MLXIP: variants seen among roughly 807,000 people sequenced by gnomAD.
MLXIP encodes MLX interacting protein, also known as MLX-interacting protein.
In MLXIP, 30 loss-of-function variants were observed where a neutral mutation model predicts 87.2. The observed-to-expected ratio is 0.34, with a 90% CI of 0.26 to 0.47. The LOEUF (loss-of-function observed/expected upper bound fraction) is 0.47, where lower values mean the gene tolerates loss of function less well. Ranked by LOEUF, MLXIP falls within the 20% of genes least tolerant of loss-of-function variation. The pLI, the probability that MLXIP is intolerant of heterozygous loss-of-function variation, is 1.00. For missense variants in MLXIP, 1,002 were observed against 1,240.1 expected, an observed-to-expected ratio of 0.81 and a Z score of 2.88; for synonymous variants, 530 against 514.0, an observed-to-expected ratio of 1.03 and a Z score of -0.42.
Position 122,133,896 on chromosome 12 carries a change from T to C in MLXIP, c.1641T>C (p.Thr547=). The C allele has an allele frequency of 1.2e-6, 2 of 1,610,642 alleles. No individual in the cohort carries two copies. Among genetic ancestry groups the C allele is most frequent in the Non-Finnish European group, 8.5e-7 (1 of 1,178,692 alleles). The part of the protein sequence containing the change: ...TFVHPKPVSL[T]GGRPKQPHKI... ...TGCACCCCAAACCTGTATCCTTGAC[T>C]GGGGGCAGGCCTAAGCAGCCCCACA... Residue 547 remains threonine (T), a synonymous_variant, in exon 9 of 17, where the codon ACT becomes ACC. Coordinates refer to ENST00000319080, the MANE Select transcript of MLXIP (RefSeq NM_014938.6). The surrounding 1 kb of genome is among the most constrained non-coding windows in gnomAD (Gnocchi z 4.9).
intron 1 of MLXIP, among the ~76,000 whole-genome samples, chr12:122,079,780 A>T (rs1045622587): frequency 6.6e-6 from 1 of 152,146 alleles, no homozygotes; most frequent in Non-Finnish European, 1.5e-5. Flanking sequence ...ATGGAGTGAG[A>T]TAGGTAAATT....
intron 1 of MLXIP, among the ~76,000 whole-genome samples, chr12:122,081,033 T>G (rs1167865550): frequency 6.6e-6 from 1 of 152,012 alleles, no homozygotes; most frequent in Non-Finnish European, 1.5e-5. Flanking sequence ...TGCACTCTTG[T>G]TTGGATAACC....
chr12:122,085,015 T>C (rs146154021), intron 1 of MLXIP, among the ~76,000 whole-genome samples: 72,482 of 151,958 alleles, frequency 0.48, 17,476 homozygotes, highest in Middle Eastern at 0.63. Context: ...AAAAGTGTCT[T>C]GAGGAGAAAA....
chr12:122,119,816 T>G (rs1481065835), intron 1 of MLXIP, among the ~76,000 whole-genome samples: 1 of 152,250 alleles, frequency 6.6e-6, no homozygotes, highest in Non-Finnish European at 1.5e-5. Context: ...GAGGTGGATC[T>G]GTCGAATCAC....
Position 122,133,219 on chromosome 12 carries a change from C to T in MLXIP, c.1093-129C>T, listed in dbSNP as rs886447155. The T allele has an allele frequency of 4.0e-5, 40 of 1,000,748 alleles. No homozygotes were observed. Among genetic ancestry groups the T allele is most frequent in the Middle Eastern group, 2.8e-4 (1 of 3,596 alleles). 62.0% of individuals were successfully genotyped at this position (1,000,748 alleles called of 1,614,324 possible). A position where few individuals can be genotyped will look rare whatever the true frequency, so the allele number is the denominator to read the frequency against. Reference sequence around the variant, plus strand: ...TCCCTATCAGATCAGCAGCCATGGACGTGGAGACGTGGCCTTTGTCCCTCT... The same window carrying T: ...TCCCTATCAGATCAGCAGCCATGGATGTGGAGACGTGGCCTTTGTCCCTCT... On this transcript the variant is annotated intron_variant, in intron 8 of 16. Transcript: ENST00000319080. This position sits in a 1 kb window ranked among gnomAD's most constrained non-coding sequence, Gnocchi z 4.9.
chr12:122,101,584 CT>C (rs371090324), intron 1 of MLXIP, among the ~76,000 whole-genome samples: 5 of 118,992 alleles, frequency 4.2e-5, no homozygotes, highest in Non-Finnish European at 6.7e-5. Context: ...CTTTTTTTTT[CT>C]TTTTTTTTTT....
At position 122,137,478 on chromosome 12, in the gene MLXIP, G is replaced by A; in HGVS notation, c.2042G>A (p.Cys681Tyr). 1.2e-6 allele frequency: 2 copies of A among 1,613,814 alleles called. No individual in the cohort carries two copies. Among genetic ancestry groups the A allele is most frequent in the Non-Finnish European group, 1.7e-6 (2 of 1,179,788 alleles). Reference protein sequence around the residue: ...QVTVTGPSRDCPNSGQASPCA... With the variant: ...QVTVTGPSRDYPNSGQASPCA... ...AGTCTGTTCTTACCAGGTCGGGACT[G>A]CCCAAACTCAGGGCAGGCCTCTCCG... Residue 681 changes from cysteine to tyrosine, a missense_variant, in exon 12 of 17, where the codon TGC (cysteine) becomes TAC (tyrosine). Cys to Tyr is a radical substitution (Grantham distance 194, BLOSUM62 -2). Transcript: ENST00000319080. The surrounding 1 kb of genome is among the most constrained non-coding windows in gnomAD (Gnocchi z 4.1).
At chr12:122,117,357 C>T (rs1952708072) in intron 1 of MLXIP, among the ~76,000 whole-genome samples, 1 of 152,192 alleles carries the variant, frequency 6.6e-6, no homozygotes, top group African/African-American at 2.4e-5. Flanking sequence ...TGGCAGTGGC[C>T]CCTCCCGCGT....
chr12:122,084,948 C>A (rs574594913), intron 1 of MLXIP, among the ~76,000 whole-genome samples: 44 of 152,274 alleles, frequency 2.9e-4, no homozygotes, highest in Admixed American at 5.2e-4. Context: ...AAATAAAAAA[C>A]CAAAGCTCAG....
At position 122,127,377 on chromosome 12, in the gene MLXIP, G is replaced by A. The variant is rs955060575; in HGVS notation, c.520+15G>A. On this transcript the variant is annotated intron_variant, in intron 2 of 16. Transcript: ENST00000319080. ...GTACATGCAGTGTAAGTGCCGCCCA[G>A]CCTGGGCGCCGGTGGTGGTCAGAAC... 6.3e-6 allele frequency: 10 copies of A among 1,580,642 alleles called. No individual in the cohort carries two copies. Among genetic ancestry groups the A allele is most frequent in the African/African-American group, 1.3e-5 (1 of 74,112 alleles).
At chr12:122,096,166 C>T (rs1452051886) in intron 1 of MLXIP, among the ~76,000 whole-genome samples, 1 of 152,080 alleles carries the variant, frequency 6.6e-6, no homozygotes, top group Admixed American at 6.6e-5. Flanking sequence ...CAGCCTTGAA[C>T]TCCTGGGCTC....
At chr12:122,126,302 G>A (rs1386993320) in intron 1 of MLXIP, among the ~76,000 whole-genome samples, 1 of 152,228 alleles carries the variant, frequency 6.6e-6, no homozygotes, top group Non-Finnish European at 1.5e-5. Context: ...AGGAGCTGCA[G>A]TGTCAACAGG....
intron 15 of MLXIP, 60 bp from the exon 16 acceptor site, chr12:122,140,894 T>C (rs1327473889): frequency 6.2e-7 from 1 of 1,613,482 alleles, no homozygotes; most frequent in Non-Finnish European, 8.5e-7. Flanking sequence ...CCAACCACCT[T>C]CGGGTCTGCA....
At chr12:122,090,777 GA>G (rs1376149084) in intron 1 of MLXIP, among the ~76,000 whole-genome samples, 4 of 152,096 alleles carry the variant, frequency 2.6e-5, no homozygotes, top group African/African-American at 9.7e-5. Flanking sequence ...AAAAAATATT[GA>G]AAACAACTTT....
intron 2 of MLXIP, 75 bp downstream of exon 2, chr12:122,127,437 G>T: frequency 9.4e-7 from 1 of 1,058,594 alleles, no homozygotes. Flanking sequence ...CCAGGGACCA[G>T]AGTCTGCTCC....
At chr12:122,140,824 C>A in intron 15 of MLXIP, 130 bp from the exon 16 acceptor site, 1 of 1,396,358 alleles carries the variant, frequency 7.2e-7, no homozygotes, top group Non-Finnish European at 1.0e-6. Flanking sequence ...CTCTTTTCCC[C>A]AGTGATCCAT....
At chr12:122,092,976 ATGTATGTGT>A (rs1952269647) in intron 1 of MLXIP, among the ~76,000 whole-genome samples, 1 of 112,138 alleles carries the variant, frequency 8.9e-6, no homozygotes, top group Non-Finnish European at 1.9e-5. Context: ...TGGTGTGGGT[ATGTATGTGT>A]TGTGTGTGTT....
intron 1 of MLXIP, among the ~76,000 whole-genome samples, chr12:122,098,668 C>T (rs570343027): frequency 2.6e-5 from 4 of 152,272 alleles, no homozygotes; most frequent in South Asian, 2.1e-4. Context: ...CTCAAAGTCA[C>T]GGGGACTTGA....
intron 1 of MLXIP, among the ~76,000 whole-genome samples, chr12:122,115,605 A>AAAT (rs1290815462): frequency 6.6e-6 from 1 of 151,086 alleles, no homozygotes; most frequent in African/African-American, 2.4e-5. Context: ...AAAAAAAAAA[A>AAAT]GACCAGTAGA....
Sources: allele counts gnomAD v4.1 joint callset (sites outside exome capture counted in the v4.1 genomes callset), GRCh38; gene constraint gnomAD v4.1.1; non-coding constraint Gnocchi (gnomAD v3.1); transcripts MANE v1.5; gene names NCBI Gene and HGNC (gene_info 2026-07-23, HGNC 2026-07-21).